ASTN2: variants seen among roughly 807,000 people sequenced by gnomAD.
ASTN2 encodes the protein astrotactin 2.
A neutral mutation model predicts 139.8 loss-of-function variants in ASTN2; 54 were observed. The observed-to-expected ratio is 0.39, with a 90% confidence interval of 0.31 to 0.48. ASTN2 has a LOEUF of 0.48. ASTN2 is among the 20% of genes least tolerant of loss of function. The pLI, the probability that ASTN2 is intolerant of heterozygous loss-of-function variation, is 0.95. For synonymous variants in ASTN2, 756 were observed against 719.5 expected (o/e 1.05, Z -0.81); for missense variants, 1,565 against 1,725.1 (o/e 0.91, Z 1.64).
At chr9:117,209,605 T>C (rs933483741) in intron 3 of ASTN2, among the ~76,000 whole-genome samples, 3 of 152,016 alleles carry the variant, frequency 2.0e-5, no homozygotes, top group Non-Finnish European at 4.4e-5. Flanking sequence ...AAAATAATAA[T>C]TGGGGACCTC....
At chr9:117,045,900 G>A (rs1473929660) in intron 5 of ASTN2, among the ~76,000 whole-genome samples, 1 of 152,102 alleles carries the variant, frequency 6.6e-6, no homozygotes, top group Non-Finnish European at 1.5e-5. Context: ...ACATTAGGGT[G>A]AAGAAGCCCA....
chr9:116,604,458 C>T (rs1338858098), intron 19 of ASTN2, among the ~76,000 whole-genome samples: 1 of 152,110 alleles, frequency 6.6e-6, no homozygotes, highest in Non-Finnish European at 1.5e-5. Flanking sequence ...CTCACCCCCA[C>T]CCCCCAATTC....
At chr9:116,912,459 C>G (rs1834339704) in intron 10 of ASTN2, among the ~76,000 whole-genome samples, 1 of 152,252 alleles carries the variant, frequency 6.6e-6, no homozygotes, top group Non-Finnish European at 1.5e-5. Context: ...CAGCCTCTCT[C>G]TTTCTGACAA....
chr9:117,349,094 C>T (rs1171253174), intron 1 of ASTN2, among the ~76,000 whole-genome samples: 6 of 152,168 alleles, frequency 3.9e-5, no homozygotes, highest in African/African-American at 1.4e-4. Context: ...TTGATCATCA[C>T]GGACCTGGGT....
At chr9:117,352,655 A>G (rs1829423505) in intron 1 of ASTN2, among the ~76,000 whole-genome samples, 1 of 152,182 alleles carries the variant, frequency 6.6e-6, no homozygotes, top group African/African-American at 2.4e-5. Context: ...TTATCCAATA[A>G]TTCTAGAATT....
intron 13 of ASTN2, among the ~76,000 whole-genome samples, chr9:116,757,578 C>T (rs947812220): frequency 2.0e-5 from 3 of 152,094 alleles, no homozygotes; most frequent in Admixed American, 6.6e-5. Flanking sequence ...GTCACAAGGA[C>T]CCCCATCTGT....
rs554953210 is a variant in ASTN2 at position 116,911,764 on chromosome 9, C to T, written c.1890-48031G>A. ...TAAAAATACAAAAAAGTTAGCCAGG[C>T]GTGGTGGCAGGCGCCTGTTGTCTGG... On this transcript the variant is annotated intron_variant, in intron 10 of 22. Transcript: ENST00000313400. Among the ~76,000 whole-genome samples, 13 of 152,170 alleles carry T rather than the reference C, an allele frequency of 8.5e-5. No individual in the cohort carries two copies. The East Asian group carries it at 2.1e-3, about 25-fold the overall frequency.
At chr9:117,205,015 G>T (rs1283536790) in intron 3 of ASTN2, among the ~76,000 whole-genome samples, 1 of 152,170 alleles carries the variant, frequency 6.6e-6, no homozygotes, top group Non-Finnish European at 1.5e-5. Flanking sequence ...GAGGCACTGT[G>T]CTGGGCATTG....
intron 19 of ASTN2, among the ~76,000 whole-genome samples, chr9:116,507,287 AT>A (rs1409604337): frequency 1.3e-5 from 2 of 152,212 alleles, no homozygotes; most frequent in African/African-American, 4.8e-5. Context: ...GTCACCTGAC[AT>A]CCTCAGAGTC....
chr9:117,080,219 G>T (rs1828390550), intron 5 of ASTN2, among the ~76,000 whole-genome samples: 1 of 152,124 alleles, frequency 6.6e-6, no homozygotes, highest in Non-Finnish European at 1.5e-5. Flanking sequence ...TTTTTTAAAT[G>T]AGTTGATTTG....
intron 13 of ASTN2, among the ~76,000 whole-genome samples, chr9:116,797,478 C>T (rs1830733046): frequency 6.6e-6 from 1 of 152,114 alleles, no homozygotes; most frequent in Admixed American, 6.5e-5. Context: ...AATCCAGCCT[C>T]CAACTGCTGT....
intron 16 of ASTN2, among the ~76,000 whole-genome samples, chr9:116,681,850 C>T (rs1276026969): frequency 4.0e-5 from 6 of 151,044 alleles, no homozygotes; most frequent in East Asian, 1.9e-4. Context: ...GGATCCCTTC[C>T]TTACACCTTA....
chr9:117,045,933 A>T (rs1838721309), intron 5 of ASTN2, among the ~76,000 whole-genome samples: 1 of 151,738 alleles, frequency 6.6e-6, no homozygotes, highest in African/African-American at 2.4e-5. Flanking sequence ...GCCACTTAGG[A>T]TGGGGAAAGA....
At chr9:117,159,317 A>G (rs952126023) in intron 3 of ASTN2, among the ~76,000 whole-genome samples, 1 of 151,982 alleles carries the variant, frequency 6.6e-6, no homozygotes, top group African/African-American at 2.4e-5. Flanking sequence ...AAACATTGGA[A>G]GCTCAAATGC....
chr9:116,536,951 G>A (rs1471138705), intron 19 of ASTN2, among the ~76,000 whole-genome samples: 1 of 152,232 alleles, frequency 6.6e-6, no homozygotes, highest in Non-Finnish European at 1.5e-5. Context: ...CCTGCCCCCA[G>A]AGGTGGAGTC....
At chr9:117,034,608 A>G (rs1473346647) in intron 6 of ASTN2, among the ~76,000 whole-genome samples, 1 of 152,184 alleles carries the variant, frequency 6.6e-6, no homozygotes, top group Admixed American at 6.5e-5. Flanking sequence ...CGAAGCCTTG[A>G]TAAGTGACCA....
chr9:117,101,496 G>A (rs899343984), intron 4 of ASTN2, among the ~76,000 whole-genome samples: 1 of 152,118 alleles, frequency 6.6e-6, no homozygotes, highest in East Asian at 1.9e-4. Context: ...TATCCTTGCT[G>A]CTTGGGCCCT....
chr9:116,834,908 G>A (rs10983370), intron 11 of ASTN2, among the ~76,000 whole-genome samples: 31,690 of 152,096 alleles, frequency 0.21, 3,742 homozygotes, highest in Middle Eastern at 0.29. Flanking sequence ...AATTATCCAA[G>A]TATTGTGGTA....
chr9:116,761,618 G>T (rs954022164), intron 13 of ASTN2, among the ~76,000 whole-genome samples: 2 of 152,144 alleles, frequency 1.3e-5, no homozygotes, highest in Non-Finnish European at 2.9e-5. Context: ...GGAACTCAGG[G>T]AACTACAAGC....
Sources: gnomAD v4.1 joint callset for allele counts (sites outside exome capture counted in the v4.1 genomes callset) on GRCh38, gnomAD v4.1.1 for gene constraint, MANE v1.5 for transcripts, NCBI Gene and HGNC (gene_info 2026-07-23, HGNC 2026-07-21) for gene names.